The following AK2 variants were observed in gnomAD, a reference collection of about 807,000 sequenced individuals.
AK2 encodes the protein adenylate kinase 2, mitochondrial.
AK2 carries 15 observed loss-of-function variants against 24.6 expected under a neutral mutation model. That is an observed-to-expected ratio of 0.61 (90% CI 0.41 to 0.94). The LOEUF is 0.94. Among genes scored for constraint, AK2 ranks in the 40% least tolerant of loss-of-function variants. The pLI is 0.00. For synonymous variants in AK2, 102 were observed against 114.0 expected (o/e 0.90, Z 0.67); for missense variants, 257 against 304.1 (o/e 0.85, Z 1.15).
intron 5 of AK2, chr1:33,014,287 C>G (rs1408704315): frequency 9.8e-6 from 4 of 409,080 alleles, no homozygotes; most frequent in Non-Finnish European, 1.9e-5. Flanking sequence ...AATCTGGGCA[C>G]TGCAAAAAGC....
At position 33,020,498 on chromosome 1, in the gene AK2, T is replaced by C. The variant is rs114648451; in HGVS notation, c.425+869A>G. ...CAGGTGTTATCAACCCCCTTCTACA[T>C]ATAAGGAAACAGCCTCAGAGAGGTT... On this transcript the variant is annotated intron_variant, in intron 4 of 5. Coordinates refer to ENST00000672715, the MANE Select transcript of AK2 (RefSeq NM_001625.4). 1.2e-3 allele frequency among the ~76,000 whole-genome samples: 178 copies of C among 152,248 alleles called. 2 individuals are homozygous for C. Among genetic ancestry groups the C allele is most frequent in the African/African-American group, 4.1e-3 (170 of 41,552 alleles).
chr1:33,008,757 A>T lies in AK2; in HGVS notation c.*4424T>A, dbSNP rs960293627. On this transcript the variant is annotated 3_prime_UTR_variant, in exon 6 of 6. Transcript: ENST00000672715. ...AGGGTTACGTGAAGTCGAGGGTTAC[A>T]TGAAGCCTTTGCATAATACCTGGCA... 2.0e-5 allele frequency: 9 copies of T among 454,034 alleles called. No individual in the cohort carries two copies. The highest frequency in any genetic ancestry group is 1.6e-4 in the African/African-American group (8 of 50,020). 28.1% of individuals were successfully genotyped at this position (454,034 alleles called of 1,614,324 possible).
chr1:33,024,255 A>G (rs1639733761), intron 2 of AK2, 187 bp downstream of exon 2: 3 of 781,058 alleles, frequency 3.8e-6, no homozygotes, highest in Non-Finnish European at 6.3e-6. Context: ...ATTTTGTTTG[A>G]TGATGGAAAG....
In AK2 at chr1:33,012,881, G is replaced by A; in HGVS notation, c.*300C>T. ...CCACTGCACTCCAGCCAGGGTGGCA[G>A]AGCGAAACCTTGTCTCAAAACAACA... is the stretch of plus-strand genomic sequence containing the variant. On this transcript the variant is annotated 3_prime_UTR_variant, in exon 6 of 6. Transcript: ENST00000672715. The A allele has an allele frequency of 7.5e-7, 1 of 1,333,390 alleles. No homozygotes were observed. Among genetic ancestry groups the A allele is most frequent in the Non-Finnish European group, 9.8e-7 (1 of 1,019,040 alleles). 82.6% of individuals were successfully genotyped at this position (1,333,390 alleles called of 1,614,324 possible).
At position 33,010,211 on chromosome 1, in the gene AK2, A is replaced by AGT. The variant is rs1490157874; in HGVS notation, c.*2968_*2969dup. On this transcript the variant is annotated 3_prime_UTR_variant, in exon 6 of 6. Transcript: ENST00000672715. The stretch of plus-strand genomic sequence containing the variant: ...ATGAAAGTAGGTAGCCTAGTAAATT[A>AGT]GTGGTAAGTCAGGGGAAGGGAATCA... 4 of 454,260 alleles carry AGT rather than the reference A, an allele frequency of 8.8e-6. No individual in the cohort carries two copies. Among genetic ancestry groups the AGT allele is most frequent in the Admixed American group, 7.0e-5 (3 of 42,570 alleles). 28.1% of individuals were successfully genotyped at this position (454,260 alleles called of 1,614,324 possible).
chr1:33,021,400 G>A lies in AK2; in HGVS notation c.392C>T (p.Pro131Leu). The A allele has an allele frequency of 1.2e-6, 2 of 1,613,994 alleles. No homozygotes were observed. The highest frequency in any genetic ancestry group is 1.1e-5 in the South Asian group (1 of 91,060). The change falls in exon 4 of 6, where the codon CCA becomes CTA. Residue 131 changes from proline (P) to leucine (L), a missense_variant. Coordinates refer to ENST00000672715, the MANE Select transcript of AK2 (RefSeq NM_001625.4). Reference sequence around the variant, plus strand: ...GATTCTTCGGATCAGCAGAGAGTCTGGGATGCTGAATTCAATCACAGAATC... The same window carrying A: ...GATTCTTCGGATCAGCAGAGAGTCTAGGATGCTGAATTCAATCACAGAATC... ...KLDSVIEFSIPDSLLIRRITG... is the reference protein window; with the variant it reads ...KLDSVIEFSILDSLLIRRITG...
intron 1 of AK2, chr1:33,031,334 T>A (rs1181259924): frequency 4.5e-6 from 1 of 221,426 alleles, no homozygotes; most frequent in South Asian, 5.6e-5. Flanking sequence ...CCTTTGCTAC[T>A]TACTACATGT....
rs551219460 is a variant in AK2 at position 33,008,271 on chromosome 1, T to C, written c.*4910A>G. The C allele has an allele frequency of 4.0e-5, 18 of 454,000 alleles. No homozygotes were observed. In the East Asian group the frequency reaches 9.7e-4, roughly 25 times the overall value. 28.1% of individuals were successfully genotyped at this position (454,000 alleles called of 1,614,324 possible). On this transcript the variant is annotated 3_prime_UTR_variant, in exon 6 of 6. Transcript: ENST00000672715. Reference sequence around the variant, plus strand: ...GATCATTCCTATTCTACTGATGAGGTGAGATAACTTGTCCAAGGTCGCATG... The same window carrying C: ...GATCATTCCTATTCTACTGATGAGGCGAGATAACTTGTCCAAGGTCGCATG...
At chr1:33,033,557 G>C (rs747477870) in intron 1 of AK2, among the ~76,000 whole-genome samples, 3 of 152,158 alleles carry the variant, frequency 2.0e-5, no homozygotes, top group Non-Finnish European at 4.4e-5. Flanking sequence ...TAACACAAAA[G>C]AAAATTTGAA....
intron 1 of AK2, among the ~76,000 whole-genome samples, chr1:33,034,828 C>T (rs114122189): frequency 0.026 from 3,883 of 152,136 alleles, 157 homozygotes; most frequent in African/African-American, 0.089. Context: ...GCAGGATGAT[C>T]GCCTGTGTCC....
rs759492224 is a variant in AK2 at position 33,024,517 on chromosome 1, G to C, written c.144C>G (p.Asp48Glu). The C allele has an allele frequency of 6.2e-7, 1 of 1,613,998 alleles. No homozygotes were observed. Among genetic ancestry groups the C allele is most frequent in the Non-Finnish European group, 8.5e-7 (1 of 1,180,018 alleles). ...CAGAAGCCACCATGGCCCTCAGCAT[G>C]TCCCCAGTAGCTAAATGGCAGACAC... ...NFCVCHLATG[D>E]MLRAMVASGS... Residue 48 changes from aspartate to glutamate, a missense_variant, in exon 2 of 6, where the codon GAC becomes GAG. Asp to Glu is a conservative substitution (Grantham distance 45). Transcript: ENST00000672715.
At position 33,012,322 on chromosome 1, in the gene AK2, A is replaced by G. The variant is rs778649597; in HGVS notation, c.*859T>C. The stretch of plus-strand genomic sequence containing the variant: ...CAGTAATTTCTGTAACCTGCAAAGT[A>G]AGTGCCTTTTTCCTTCCACCTAGGG... On this transcript the variant is annotated 3_prime_UTR_variant, in exon 6 of 6. Coordinates refer to ENST00000672715, the MANE Select transcript of AK2 (RefSeq NM_001625.4). 29 of 1,531,870 alleles carry G rather than the reference A, an allele frequency of 1.9e-5. No homozygotes were observed. The South Asian group carries it at 2.9e-4, about 15-fold the overall frequency. The allele number at this position is 1,531,870 out of a possible 1,614,324, so 94.9% of individuals were successfully genotyped here.
chr1:33,033,310 C>T (rs186376826), intron 1 of AK2, among the ~76,000 whole-genome samples: 17 of 152,012 alleles, frequency 1.1e-4, no homozygotes, highest in African/African-American at 3.1e-4. Context: ...GGGAGGAGCC[C>T]GGTAGTTCAA....
At chr1:33,014,053 T>C (rs1221748856) in intron 5 of AK2, among the ~76,000 whole-genome samples, 1 of 152,214 alleles carries the variant, frequency 6.6e-6, no homozygotes, top group African/African-American at 2.4e-5. Context: ...AGACTCTTTA[T>C]GGCAAATGGT....
chr1:33,024,250 G>A, intron 2 of AK2, 192 bp downstream of exon 2: 1 of 744,144 alleles, frequency 1.3e-6, no homozygotes, highest in Non-Finnish European at 2.2e-6. Flanking sequence ...ACAGAATTTT[G>A]TTTGATGATG....
chr1:33,027,855 G>C (rs940074246), intron 1 of AK2, among the ~76,000 whole-genome samples: 3 of 152,046 alleles, frequency 2.0e-5, no homozygotes, highest in Non-Finnish European at 4.4e-5. Context: ...CATGGGTTTT[G>C]AAGTCAGACA....
Position 33,021,781 on chromosome 1 carries a change from A to G in AK2, c.220-78T>C, listed in dbSNP as rs558297952. The G allele has an allele frequency of 2.6e-5, 29 of 1,134,166 alleles. No homozygotes were observed. In the East Asian group the frequency reaches 6.9e-4, roughly 27 times the overall value. The allele number at this position is 1,134,166 out of a possible 1,614,324, so 70.3% of individuals were successfully genotyped here. On this transcript the variant is annotated intron_variant, in intron 2 of 5. Coordinates refer to ENST00000672715, the MANE Select transcript of AK2 (RefSeq NM_001625.4). Reference sequence around the variant, plus strand: ...TGACATTAGCCCAACTCCACAGCCAAAAGTTTGTGTATATAACCTTATTAC... The same window carrying G: ...TGACATTAGCCCAACTCCACAGCCAGAAGTTTGTGTATATAACCTTATTAC...
At chr1:33,019,813 G>A (rs1639418910) in intron 4 of AK2, 8 of 1,131,612 alleles carry the variant, frequency 7.1e-6, no homozygotes, top group Non-Finnish European at 8.7e-6. Context: ...TGGCTAACTG[G>A]AAGAAACATA....
intron 4 of AK2, 119 bp from the exon 5 acceptor site, chr1:33,014,713 C>T (rs1331273220): frequency 2.4e-6 from 2 of 828,854 alleles, no homozygotes; most frequent in Non-Finnish European, 4.1e-6. Flanking sequence ...GACCCAGCAC[C>T]CAGCAGAAAA....
Sources: gnomAD v4.1 joint callset for allele counts (sites outside exome capture counted in the v4.1 genomes callset) on GRCh38, gnomAD v4.1.1 for gene constraint, MANE v1.5 for transcripts, NCBI Gene and HGNC (gene_info 2026-07-23, HGNC 2026-07-21) for gene names.